ANKH: variants seen among roughly 807,000 people sequenced by gnomAD.
ANKH encodes the protein mineralization regulator ANKH.
ANKH carries 15 observed loss-of-function variants against 49.0 expected under a neutral mutation model. The ratio of observed to expected loss-of-function variants is 0.31; its 90% CI spans 0.20 to 0.47. The LOEUF is 0.47. ANKH is among the 20% of genes least tolerant of loss of function. ANKH has a pLI of 1.00. For synonymous variants in ANKH, 273 were observed against 260.0 expected (o/e 1.05, Z -0.48); for missense variants, 429 against 652.0 (o/e 0.66, Z 3.72).
intron 8 of ANKH, among the ~76,000 whole-genome samples, chr5:14,738,820 C>T (rs1013548584): frequency 1.3e-5 from 2 of 151,890 alleles, no homozygotes; most frequent in African/African-American, 2.4e-5. Context: ...AAAGCTTTTA[C>T]GATAATACAG....
chr5:14,784,146 A>G (rs1739899138), intron 1 of ANKH, among the ~76,000 whole-genome samples: 1 of 152,256 alleles, frequency 6.6e-6, no homozygotes, highest in Admixed American at 6.5e-5. Context: ...GGTACTGCAC[A>G]TTCTTGAACA....
chr5:14,842,582 AG>A (rs1402838803), intron 1 of ANKH, among the ~76,000 whole-genome samples: 1 of 152,168 alleles, frequency 6.6e-6, no homozygotes, highest in Non-Finnish European at 1.5e-5. Context: ...AAACTGCATA[AG>A]ACCTGGGAAA....
rs779916256 is a variant in ANKH at position 14,711,239 on chromosome 5, CTCT to C, written c.1434_1436del (p.Glu480del). ...TCATTTCCACGATGTCTGTCACCTC[CTCT>C]GTCGGAGGCATGTCTGTCATGGCAG... is the stretch of plus-strand genomic sequence containing the variant. On this transcript the variant is annotated inframe_deletion, in exon 12 of 12. Coordinates refer to ENST00000284268, the MANE Select transcript of ANKH (RefSeq NM_054027.6). 1.9e-5 allele frequency: 30 copies of C among 1,614,018 alleles called. No homozygotes were observed. The highest frequency in any genetic ancestry group is 2.5e-5 in the Non-Finnish European group (29 of 1,180,032).
intron 1 of ANKH, among the ~76,000 whole-genome samples, chr5:14,827,482 T>C (rs1741377905): frequency 6.6e-6 from 1 of 152,200 alleles, no homozygotes; most frequent in Admixed American, 6.5e-5. Context: ...CGCTGTGGCA[T>C]TATTCACCTG....
intron 1 of ANKH, among the ~76,000 whole-genome samples, chr5:14,769,867 A>G (rs1439739639): frequency 1.3e-5 from 2 of 152,242 alleles, no homozygotes; most frequent in Non-Finnish European, 2.9e-5. Context: ...ATGTTTTTGG[A>G]TAATGGTTGT....
intron 2 of ANKH, among the ~76,000 whole-genome samples, chr5:14,763,369 T>C (rs114878368): frequency 1.3e-4 from 20 of 152,348 alleles, no homozygotes; most frequent in Non-Finnish European, 2.9e-4. Flanking sequence ...ATAGGCCATA[T>C]TTAAATCACT....
At chr5:14,795,453 C>T (rs746757312) in intron 1 of ANKH, among the ~76,000 whole-genome samples, 1 of 152,184 alleles carries the variant, frequency 6.6e-6, no homozygotes, top group Non-Finnish European at 1.5e-5. Context: ...AAATCATGTG[C>T]AATTGATTGA....
At chr5:14,843,213 T>C (rs1329190232) in intron 1 of ANKH, among the ~76,000 whole-genome samples, 1 of 150,998 alleles carries the variant, frequency 6.6e-6, no homozygotes, top group Non-Finnish European at 1.5e-5. Flanking sequence ...ACTCGTTCTG[T>C]TGCCCAGGCC....
intron 2 of ANKH, among the ~76,000 whole-genome samples, chr5:14,762,662 CTG>C (rs1343541765): frequency 2.0e-5 from 3 of 149,378 alleles, no homozygotes; most frequent in Non-Finnish European, 4.4e-5. Flanking sequence ...ATCCCAACAA[CTG>C]TTTTCACCCA....
At chr5:14,728,335 C>T (rs1256680509) in intron 8 of ANKH, among the ~76,000 whole-genome samples, 1 of 152,230 alleles carries the variant, frequency 6.6e-6, no homozygotes, top group African/African-American at 2.4e-5. Flanking sequence ...CCGCAGAAGC[C>T]CTGCTTTCTC....
rs149257704 is a variant in ANKH at position 14,713,949 on chromosome 5, C to T, written c.1142-282G>A. On this transcript the variant is annotated intron_variant, in intron 9 of 11. Coordinates refer to ENST00000284268, the MANE Select transcript of ANKH (RefSeq NM_054027.6). The surrounding 1 kb of genome is among the most constrained non-coding windows in gnomAD (Gnocchi z 4.4). ...GGACAGCATCTTCCAGGCAGCCTAG[C>T]TGCTCTTGTCCAGTCCTGTCCCCAC... 1.3e-4 allele frequency among the ~76,000 whole-genome samples: 20 copies of T among 152,368 alleles called. No individual in the cohort carries two copies. The highest frequency in any genetic ancestry group is 4.3e-4 in the African/African-American group (18 of 41,594).
At position 14,737,799 on chromosome 5, in the gene ANKH, T is replaced by G. The variant is rs1469218852; in HGVS notation, c.1011+4028A>C. Among the ~76,000 whole-genome samples, 1 of 152,246 alleles carries G rather than the reference T, an allele frequency of 6.6e-6. No homozygotes were observed. The highest frequency in any genetic ancestry group is 1.5e-5 in the Non-Finnish European group (1 of 68,032). On this transcript the variant is annotated intron_variant, in intron 8 of 11. Coordinates refer to ENST00000284268, the MANE Select transcript of ANKH (RefSeq NM_054027.6). This position sits in a 1 kb window ranked among gnomAD's most constrained non-coding sequence, Gnocchi z 5.0. Reference sequence around the variant, plus strand: ...GCCTTGCTAACCTGGGTTTGCACTGTGTCTGCTCCCTCGTTGCTATCAAGG... The same window carrying G: ...GCCTTGCTAACCTGGGTTTGCACTGGGTCTGCTCCCTCGTTGCTATCAAGG...
At position 14,741,927 on chromosome 5, in the gene ANKH, G is replaced by A; in HGVS notation, c.916-5C>T. On this transcript the variant is annotated splice_region_variant and splice_polypyrimidine_tract_variant and intron_variant, in intron 7 of 11. Coordinates refer to ENST00000284268, the MANE Select transcript of ANKH (RefSeq NM_054027.6). ...CAGTTTGTTGCTGGGGTTATTCTGG[G>A]GAAAGAAAACCACAGTCATGAATGG... is the stretch of plus-strand genomic sequence containing the variant. 6.2e-7 allele frequency: 1 copy of A among 1,613,550 alleles called. No individual in the cohort carries two copies. Among genetic ancestry groups the A allele is most frequent in the Non-Finnish European group, 8.5e-7 (1 of 1,179,536 alleles).
chr5:14,816,661 G>C (rs1377264043), intron 1 of ANKH, among the ~76,000 whole-genome samples: 2 of 152,084 alleles, frequency 1.3e-5, no homozygotes, highest in Non-Finnish European at 2.9e-5. Flanking sequence ...GGTTTCAGTC[G>C]ACTTTCTTGG....
intron 1 of ANKH, among the ~76,000 whole-genome samples, chr5:14,804,186 A>G (rs965828488): frequency 2.6e-5 from 4 of 152,190 alleles, no homozygotes; most frequent in Non-Finnish European, 4.4e-5. Context: ...GTGAGCCACC[A>G]TGCCCAGCTA....
intron 1 of ANKH, chr5:14,797,836 G>C: frequency 6.2e-7 from 1 of 1,611,602 alleles, no homozygotes. Flanking sequence ...TGCCCACTGA[G>C]ATTTAGGTTC....
intron 1 of ANKH, among the ~76,000 whole-genome samples, chr5:14,837,131 AAGACTTAAATCTT>A (rs1209278626): frequency 3.9e-5 from 6 of 152,256 alleles, no homozygotes; most frequent in South Asian, 2.1e-4. Context: ...AGATGGATTA[AAGACTTAAATCTT>A]AGACCTAAAA....
chr5:14,841,186 T>C (rs1218624038), intron 1 of ANKH, among the ~76,000 whole-genome samples: 1 of 152,190 alleles, frequency 6.6e-6, no homozygotes, highest in Non-Finnish European at 1.5e-5. Context: ...AGAAAAAACT[T>C]AGGCCTCTTA....
chr5:14,801,655 T>C (rs910844580), intron 1 of ANKH, among the ~76,000 whole-genome samples: 8 of 152,230 alleles, frequency 5.3e-5, no homozygotes, highest in East Asian at 1.9e-4. Flanking sequence ...AAGTCCTCCA[T>C]AGGACATTTT....
Sources: allele counts gnomAD v4.1 joint callset (sites outside exome capture counted in the v4.1 genomes callset), GRCh38; gene constraint gnomAD v4.1.1; non-coding constraint Gnocchi (gnomAD v3.1); transcripts MANE v1.5; gene names NCBI Gene and HGNC (gene_info 2026-07-23, HGNC 2026-07-21).